Variants in CELF2 observed in about 807,000 individuals in gnomAD.
CELF2 encodes the protein CUGBP Elav-like family member 2, also known as CUG triplet repeat RNA-binding protein 2.
Under a neutral mutation model 62.6 loss-of-function variants are expected in CELF2, and 8 were observed. That is an observed-to-expected ratio of 0.13 (90% CI 0.07 to 0.23). The LOEUF is 0.23. Ranked by LOEUF, CELF2 falls within the 10% of genes least tolerant of loss-of-function variation. CELF2 has a pLI of 1.00. For missense variants in CELF2, 333 were observed against 671.0 expected (o/e 0.50, Z 5.56); for synonymous variants, 258 against 250.0 (o/e 1.03, Z -0.30).
chr10:10,557,041 G>T, the CELF2 span, among the ~76,000 whole-genome samples: 3 of 149,240 alleles, frequency 2.0e-5, no homozygotes, highest in South Asian at 4.3e-4. Flanking sequence ...AGTTTAATGA[G>T]ATCCCATTTG....
intron 1 of CELF2, among the ~76,000 whole-genome samples, chr10:10,886,387 A>T (rs1319969267): frequency 1.3e-5 from 2 of 152,128 alleles, no homozygotes; most frequent in Non-Finnish European, 2.9e-5. Context: ...TTATTTTAGA[A>T]CTCTCACTGA....
the CELF2 span, among the ~76,000 whole-genome samples, chr10:10,763,245 G>A: frequency 7.9e-5 from 12 of 152,118 alleles, no homozygotes; most frequent in Admixed American, 5.2e-4. Flanking sequence ...TTTCCTTTAC[G>A]CAAAAGAGGT....
In CELF2 at chr10:10,962,569, A is replaced by G. The variant is rs578143369; in HGVS notation, c.89+42570A>G. On this transcript the variant is annotated intron_variant, in intron 2 of 13. Transcript: ENST00000636488. ...AAGACCCCATCTCTACAAATAAAAA[A>G]TATTAACCAGGCATGGTGGTGCACA... Among the ~76,000 whole-genome samples, 10 of 152,316 alleles carry G rather than the reference A, an allele frequency of 6.6e-5. No homozygotes were observed. The East Asian group carries it at 1.7e-3, about 26-fold the overall frequency.
the CELF2 span, among the ~76,000 whole-genome samples, chr10:10,605,651 T>C: frequency 6.6e-6 from 1 of 152,206 alleles, no homozygotes; most frequent in Non-Finnish European, 1.5e-5. Flanking sequence ...GCCAATTTGA[T>C]CCCATTGTAT....
At chr10:11,155,992 C>A (rs936894363) in intron 1 of CELF2, among the ~76,000 whole-genome samples, 1 of 152,176 alleles carries the variant, frequency 6.6e-6, no homozygotes, top group Non-Finnish European at 1.5e-5. Flanking sequence ...GACAGATAAT[C>A]AGCATTTAAC....
chr10:11,048,630 T>C (rs2063297231), intron 1 of CELF2, among the ~76,000 whole-genome samples: 1 of 152,212 alleles, frequency 6.6e-6, no homozygotes, highest in South Asian at 2.1e-4. Flanking sequence ...TCCACTAAGC[T>C]GTGAAAACGC....
At chr10:10,535,697 C>T in the CELF2 span, among the ~76,000 whole-genome samples, 3 of 152,030 alleles carry the variant, frequency 2.0e-5, no homozygotes, top group Non-Finnish European at 2.9e-5. Context: ...CCAGCCTGGG[C>T]GACAGAGTGA....
chr10:10,729,290 C>T, the CELF2 span, among the ~76,000 whole-genome samples: 7 of 152,264 alleles, frequency 4.6e-5, no homozygotes, highest in African/African-American at 1.7e-4. Flanking sequence ...TTCTAAAATC[C>T]CAACAAAGTA....
At chr10:10,892,093 A>G (rs2062188319) in intron 1 of CELF2, among the ~76,000 whole-genome samples, 1 of 152,246 alleles carries the variant, frequency 6.6e-6, no homozygotes, top group South Asian at 2.1e-4. Context: ...TAGAGCCCAA[A>G]TAAATAGAAA....
chr10:11,019,295 C>T (rs558319842), intron 1 of CELF2, among the ~76,000 whole-genome samples: 1 of 152,240 alleles, frequency 6.6e-6, no homozygotes, highest in East Asian at 1.9e-4. Context: ...AATTGGATAG[C>T]GGATCTAAGC....
chr10:10,653,083 C>A, the CELF2 span, among the ~76,000 whole-genome samples: 4 of 152,064 alleles, frequency 2.6e-5, no homozygotes, highest in Non-Finnish European at 4.4e-5. Context: ...TCTGATAAAG[C>A]AGACTTTAAA....
the CELF2 span, among the ~76,000 whole-genome samples, chr10:10,611,258 AACCTATC>A: frequency 2.0e-5 from 3 of 152,278 alleles, no homozygotes; most frequent in African/African-American, 7.2e-5. Flanking sequence ...TCTAAGAGCC[AACCTATC>A]ATGGGTCATA....
At chr10:10,599,703 G>A in the CELF2 span, among the ~76,000 whole-genome samples, 4 of 149,194 alleles carry the variant, frequency 2.7e-5, no homozygotes, top group Non-Finnish European at 4.5e-5. Flanking sequence ...TTATTGTTTC[G>A]TCTCTGCCCT....
the CELF2 span, among the ~76,000 whole-genome samples, chr10:10,725,899 A>T: frequency 1.5e-5 from 2 of 134,888 alleles, no homozygotes; most frequent in African/African-American, 5.5e-5. Flanking sequence ...TTCTACAATT[A>T]AAAAAAAAAA....
At chr10:10,509,970 C>T in the CELF2 span, among the ~76,000 whole-genome samples, 1 of 152,180 alleles carries the variant, frequency 6.6e-6, no homozygotes, top group Admixed American at 6.5e-5. Flanking sequence ...TGTGCTCTTT[C>T]TACAACCAAG....
intron 2 of CELF2, among the ~76,000 whole-genome samples, chr10:10,943,802 A>G (rs1023236492): frequency 3.5e-5 from 5 of 143,028 alleles, no homozygotes; most frequent in East Asian, 2.2e-4. Context: ...GCGTTTTGCC[A>G]TGTTGGCCAG....
At chr10:10,906,584 ACCTGTCACAAT>A (rs1261027186) in intron 1 of CELF2, among the ~76,000 whole-genome samples, 1 of 152,214 alleles carries the variant, frequency 6.6e-6, no homozygotes, top group Non-Finnish European at 1.5e-5. Flanking sequence ...TAAGAGACAG[ACCTGTCACAAT>A]CCAGGGGGTT....
At chr10:11,137,680 A>G (rs973805426) in intron 1 of CELF2, among the ~76,000 whole-genome samples, 2 of 152,208 alleles carry the variant, frequency 1.3e-5, no homozygotes, top group African/African-American at 2.4e-5. Flanking sequence ...GTTAGTTAAA[A>G]GAGCCTACTG....
chr10:10,783,598 G>A, the CELF2 span, among the ~76,000 whole-genome samples: 4 of 152,194 alleles, frequency 2.6e-5, no homozygotes, highest in South Asian at 8.3e-4. Context: ...AATGAATGCA[G>A]TATTATTTCC....
Sources: gnomAD v4.1 joint callset for allele counts (sites outside exome capture counted in the v4.1 genomes callset) on GRCh38, gnomAD v4.1.1 for gene constraint, MANE v1.5 for transcripts, NCBI Gene and HGNC (gene_info 2026-07-23, HGNC 2026-07-21) for gene names.